Variants in GLI2 observed in about 807,000 individuals in gnomAD.
GLI2 encodes GLI family zinc finger 2, also known as transcription activator GLI2.
In GLI2, 22 loss-of-function variants were observed where a neutral mutation model predicts 78.9. That is an observed-to-expected ratio of 0.28 (90% CI 0.20 to 0.40). The LOEUF (loss-of-function observed/expected upper bound fraction) is 0.40. GLI2 is among the 10% of genes least tolerant of loss of function. The pLI is 1.00. For missense variants in GLI2, 2,097 were observed against 2,213.2 expected (o/e 0.95, Z 1.05); for synonymous variants, 974 against 963.7 (o/e 1.01, Z -0.20).
At chr2:120,808,060 A>G (rs1685045611) in intron 2 of GLI2, among the ~76,000 whole-genome samples, 1 of 152,188 alleles carries the variant, frequency 6.6e-6, no homozygotes, top group African/African-American at 2.4e-5. Context: ...CCCTGGCACC[A>G]GACAGCCAGG....
rs182174973 is a variant in GLI2 at position 120,944,424 on chromosome 2, A to G, written c.255-6819A>G. Among the ~76,000 whole-genome samples the G allele has an allele frequency of 3.3e-5, 5 of 152,356 alleles. No homozygotes were observed. The East Asian group carries it at 7.7e-4, about 24-fold the overall frequency. ...CAAGGGATCCTGAGGCTCAGGGCAC[A>G]TAGCACTGAGGCTGCAACAGCACCA... On this transcript the variant is annotated intron_variant, in intron 3 of 13. Coordinates refer to ENST00000361492, the MANE Select transcript of GLI2 (RefSeq NM_001374353.1).
At position 120,988,703 on chromosome 2, in the gene GLI2, G is replaced by A; in HGVS notation, c.2738G>A (p.Gly913Asp). The A allele has an allele frequency of 8.0e-7, 1 of 1,242,528 alleles. No homozygotes were observed. The highest frequency in any genetic ancestry group is 1.0e-6 in the Non-Finnish European group (1 of 987,060). 77.0% of individuals were successfully genotyped at this position (1,242,528 alleles called of 1,614,324 possible). A position where few individuals can be genotyped will look rare whatever the true frequency, so the allele number is the denominator to read the frequency against. The change falls in exon 14 of 14, where the codon GGC (glycine) becomes GAC (aspartate). Residue 913 changes from glycine (G) to aspartate (D), a missense_variant. Around this residue, in one of 5 missense-constraint regions of GLI2, gnomAD observed 1,290 missense variants for 1,261.7 expected, o/e 1.02. Transcript: ENST00000361492. ...LDAPERTLPAGCPRPLGPRRG... is the reference protein window; with the variant it reads ...LDAPERTLPADCPRPLGPRRG... ...GCGCCCGAGCGCACGCTGCCCGCCGGCTGCCCACGCCCACTGGGGCCGCGG... is the reference window on the plus strand; with the variant it reads ...GCGCCCGAGCGCACGCTGCCCGCCGACTGCCCACGCCCACTGGGGCCGCGG...
intron 2 of GLI2, among the ~76,000 whole-genome samples, chr2:120,818,173 C>T (rs1254624951): frequency 6.6e-6 from 1 of 152,194 alleles, no homozygotes; most frequent in African/African-American, 2.4e-5. Flanking sequence ...TGGAGAGCTC[C>T]AAGGAGCCCC....
At chr2:120,934,435 A>G (rs1680095771) in intron 3 of GLI2, among the ~76,000 whole-genome samples, 1 of 152,136 alleles carries the variant, frequency 6.6e-6, no homozygotes, top group Non-Finnish European at 1.5e-5. Context: ...CGACCTGACC[A>G]CTGCTGATGG....
At chr2:120,856,656 T>TA (rs1314006037) in intron 2 of GLI2, among the ~76,000 whole-genome samples, 1 of 152,060 alleles carries the variant, frequency 6.6e-6, no homozygotes, top group African/African-American at 2.4e-5. Flanking sequence ...CAGGGCCCCC[T>TA]AATCTCCAGG....
intron 1 of GLI2, among the ~76,000 whole-genome samples, chr2:120,754,228 A>G (rs879330452): frequency 2.0e-5 from 3 of 152,194 alleles, no homozygotes; most frequent in Non-Finnish European, 4.4e-5. Context: ...TTATCTGCCC[A>G]TATCCACATC....
intron 2 of GLI2, among the ~76,000 whole-genome samples, chr2:120,813,058 G>A (rs1162238588): frequency 3.9e-5 from 6 of 152,318 alleles, no homozygotes; most frequent in African/African-American, 1.4e-4. Flanking sequence ...AAAGGGTCCC[G>A]AAGAATTTTC....
chr2:120,746,391 C>A (rs558407897), intron 1 of GLI2, among the ~76,000 whole-genome samples: 270 of 152,298 alleles, frequency 1.8e-3, no homozygotes, highest in Non-Finnish European at 3.2e-3. Context: ...TGCACCCCCC[C>A]AGAAGCTGCC....
intron 2 of GLI2, 41 bp downstream of exon 2, chr2:120,797,509 T>C: frequency 6.3e-7 from 1 of 1,588,594 alleles, no homozygotes; most frequent in East Asian, 2.2e-5. Context: ...GCAGGGGTGT[T>C]TTTCATTAGC....
At chr2:120,925,206 C>T (rs1294433107) in intron 2 of GLI2, among the ~76,000 whole-genome samples, 3 of 152,230 alleles carry the variant, frequency 2.0e-5, no homozygotes, top group South Asian at 2.1e-4. Context: ...GCTTGGACCA[C>T]GTGCCTGCAA....
intron 4 of GLI2, among the ~76,000 whole-genome samples, chr2:120,954,684 A>C (rs11689760): frequency 0.79 from 120,556 of 152,064 alleles, 52,372 homozygotes; most frequent in East Asian, 1. Flanking sequence ...TCCTCGCTGC[A>C]TCTTTCCTAA....
intron 2 of GLI2, among the ~76,000 whole-genome samples, chr2:120,848,399 A>G (rs940299602): frequency 2.0e-5 from 3 of 152,194 alleles, no homozygotes; most frequent in African/African-American, 7.2e-5. Context: ...ATGGCCACAC[A>G]GGGAGTTCGC....
At chr2:120,776,804 G>A (rs1558790680) in intron 1 of GLI2, among the ~76,000 whole-genome samples, 1 of 152,192 alleles carries the variant, frequency 6.6e-6, no homozygotes, top group Admixed American at 6.5e-5. Context: ...CCAGAGGGCC[G>A]AGTGGGGTCT....
chr2:120,990,058 C>T lies in GLI2; in HGVS notation c.4093C>T (p.Arg1365Cys), dbSNP rs761959609. The T allele has an allele frequency of 1.2e-5, 20 of 1,601,164 alleles. No individual in the cohort carries two copies. The highest frequency in any genetic ancestry group is 5.0e-5 in the Admixed American group (3 of 59,452). Reference protein sequence around the residue: ...RPPLEPSPTGRHRGVRAVQQQ... With the variant: ...RPPLEPSPTGCHRGVRAVQQQ... ...TCCCCTCGAGCCCAGCCCCACTGGC[C>T]GCCACCGTGGGGTACGTGCTGTGCA... is the stretch of plus-strand genomic sequence containing the variant. The change falls in exon 14 of 14, where the codon CGC (arginine) becomes TGC (cysteine). Residue 1365 changes from arginine to cysteine, a missense_variant. By Grantham distance (180) the Arg-to-Cys change is radical (BLOSUM62 -3). Transcript: ENST00000361492.
At position 120,986,500 on chromosome 2, in the gene GLI2, C is replaced by T; in HGVS notation, c.2128C>T (p.His710Tyr). ...GCTGCGCAAACACATGACCACCATG[C>T]ACCGGTTCGAGCAGCTCAAGAAGGA... ...LQLRKHMTTM[H>Y]RFEQLKKEKL... The change falls in exon 13 of 14, where the codon CAC becomes TAC. Residue 710 changes from histidine to tyrosine, a missense_variant. Physicochemically the swap from His to Tyr is moderately conservative, Grantham distance 83. Around this residue, in one of 5 missense-constraint regions of GLI2, gnomAD observed 1,290 missense variants for 1,261.7 expected, o/e 1.02. Transcript: ENST00000361492. 6.2e-7 allele frequency: 1 copy of T among 1,614,144 alleles called. No homozygotes were observed. Among genetic ancestry groups the T allele is most frequent in the Non-Finnish European group, 8.5e-7 (1 of 1,180,036 alleles).
intron 2 of GLI2, among the ~76,000 whole-genome samples, chr2:120,881,395 TG>T (rs1234403240): frequency 5.3e-4 from 36 of 67,986 alleles, no homozygotes; most frequent in Middle Eastern, 7.2e-3. Context: ...AGAGGGCAGG[TG>T]GGGGGAGGAC....
At chr2:120,813,983 C>T (rs56236424) in intron 2 of GLI2, among the ~76,000 whole-genome samples, 55,814 of 151,220 alleles carry the variant, frequency 0.37, 12,572 homozygotes, top group South Asian at 0.52. Context: ...GGAAAGCACC[C>T]ATAAAGGGAG....
intron 1 of GLI2, among the ~76,000 whole-genome samples, chr2:120,748,985 A>G (rs1258153742): frequency 6.6e-6 from 1 of 152,026 alleles, no homozygotes; most frequent in Non-Finnish European, 1.5e-5. Flanking sequence ...TCCATCCATC[A>G]TACATTCATT....
At chr2:120,748,923 C>A (rs899697688) in intron 1 of GLI2, among the ~76,000 whole-genome samples, 1 of 151,778 alleles carries the variant, frequency 6.6e-6, no homozygotes, top group Non-Finnish European at 1.5e-5. Flanking sequence ...TATCCAACCA[C>A]CCATTCATCC....
Sources: allele counts gnomAD v4.1 joint callset (sites outside exome capture counted in the v4.1 genomes callset), GRCh38; gene constraint gnomAD v4.1.1; regional missense constraint gnomAD v4.1.1; transcripts MANE v1.5; gene names NCBI Gene and HGNC (gene_info 2026-07-23, HGNC 2026-07-21).